The following PRH1 variants were observed in gnomAD, a reference collection of about 807,000 sequenced individuals.
The protein encoded by PRH1 is salivary acidic proline-rich phosphoprotein 1/2.
A neutral mutation model predicts 7.9 loss-of-function variants in PRH1; 7 were observed. That is an observed-to-expected ratio of 0.89 (90% confidence interval 0.50 to 1.67). The LOEUF (loss-of-function observed/expected upper bound fraction) is 1.67, where lower values mean the gene tolerates loss of function less well. Ranked by LOEUF, PRH1 falls within the 40% of genes most tolerant of loss-of-function variation. PRH1 has a pLI of 0.00. For missense variants in PRH1, 109 were observed against 223.6 expected (o/e 0.49, Z 3.27); for synonymous variants, 45 against 80.8 (o/e 0.56, Z 2.38).
intron 1 of PRH1, among the ~76,000 whole-genome samples, chr12:11,098,544 A>G (rs1210319710): frequency 5.3e-5 from 8 of 152,190 alleles, no homozygotes; most frequent in Admixed American, 1.3e-4. Flanking sequence ...CCTCTCCATC[A>G]TTTGTGTTTA....
chr12:11,134,539 C>T, intron 1 of PRH1: 1 of 340,760 alleles, frequency 2.9e-6, no homozygotes, highest in Non-Finnish European at 5.3e-6. Context: ...CTGAAATTGA[C>T]ATGAAACCTG....
At chr12:11,069,795 C>T (rs1179382193) in intron 1 of PRH1, among the ~76,000 whole-genome samples, 2 of 152,144 alleles carry the variant, frequency 1.3e-5, no homozygotes, top group Admixed American at 1.3e-4. Flanking sequence ...AATCAAGAAA[C>T]CTCAACCAGT....
intron 1 of PRH1, among the ~76,000 whole-genome samples, chr12:11,030,121 A>G (rs1217055318): frequency 6.6e-6 from 1 of 152,274 alleles, no homozygotes; most frequent in Admixed American, 6.5e-5. Flanking sequence ...TGGCTTCAAA[A>G]TTCTAAGAAA....
chr12:11,134,076 C>T, intron 1 of PRH1: 2 of 1,614,090 alleles, frequency 1.2e-6, no homozygotes, highest in Non-Finnish European at 1.7e-6. Context: ...CAGAGCAAAC[C>T]AACTCTGGAG....
intron 1 of PRH1, among the ~76,000 whole-genome samples, chr12:11,013,103 CA>C (rs1941140135): frequency 6.6e-6 from 1 of 152,052 alleles, no homozygotes; most frequent in African/African-American, 2.4e-5. Context: ...AGTGAAAAAC[CA>C]GTCCTAAAAT....
upstream of PRH1, among the ~76,000 whole-genome samples, chr12:10,886,954 C>T (rs1335155651): frequency 2.6e-5 from 4 of 152,166 alleles, no homozygotes; most frequent in Admixed American, 2.0e-4. Flanking sequence ...TGTTCTTCCC[C>T]CAGCTCATCC....
chr12:11,130,042 C>T (rs796338107), intron 1 of PRH1, among the ~76,000 whole-genome samples: 3 of 151,910 alleles, frequency 2.0e-5, no homozygotes, highest in African/African-American at 7.2e-5. Flanking sequence ...TCCCAGCTGC[C>T]AGCAATGCCG....
chr12:11,167,085 C>T lies in PRH1; in HGVS notation n.39+4337G>A, dbSNP rs573037591. On this transcript the variant is annotated intron_variant and non_coding_transcript_variant, in intron 1 of 1. Coordinates refer to the PRH1 transcript ENST00000541175. ...TAATCACATTTGCAAAATCTCCATG[C>T]CATATAATGTAACATATTAACTAGT... Among the ~76,000 whole-genome samples the T allele has an allele frequency of 2.0e-5, 3 of 152,296 alleles. No homozygotes were observed. The South Asian group carries it at 6.2e-4, about 32-fold the overall frequency.
intron 1 of PRH1, among the ~76,000 whole-genome samples, chr12:11,145,772 G>T (rs1190834442): frequency 1.3e-5 from 2 of 150,718 alleles, no homozygotes; most frequent in South Asian, 4.2e-4. Flanking sequence ...CTTTTTTTTT[G>T]TAACAACTAT....
At chr12:11,009,119 C>A (rs1260894904) in intron 1 of PRH1, among the ~76,000 whole-genome samples, 1 of 151,514 alleles carries the variant, frequency 6.6e-6, no homozygotes, top group Non-Finnish European at 1.5e-5. Flanking sequence ...TTCTTGCATG[C>A]TCAATTTTGT....
Position 11,091,542 on chromosome 12 carries a change from T to C in PRH1, n.124-44354A>G, listed in dbSNP as rs190029848. ...CATAACAAGAGGAAGGAGATCACAG[T>C]TTGCAAAGCTTTTATGTGGACCTTG... On this transcript the variant is annotated intron_variant and non_coding_transcript_variant, in intron 1 of 4. Transcript: ENST00000541977. 378 of 1,452,246 alleles carry C rather than the reference T, an allele frequency of 2.6e-4. 31 individuals carry two copies. In the African/African-American group the frequency reaches 4.4e-3, roughly 17 times the overall value. The allele number at this position is 1,452,246 out of a possible 1,614,324, so 90.0% of individuals were successfully genotyped here.
rs941765880 is a variant in PRH1, at chr12:11,077,937, G to A, written n.124-30749C>T. On this transcript the variant is annotated intron_variant and non_coding_transcript_variant, in intron 1 of 4. Coordinates refer to the PRH1 transcript ENST00000541977. ...CAATCTTGAGCAAATAAAATATGCT[G>A]AGGCTAGCAGCAAGCCAGATGCTGA... The A allele has an allele frequency of 1.6e-5, 15 of 943,654 alleles. 1 individual carries two copies. Among genetic ancestry groups the A allele is most frequent in the Non-Finnish European group, 2.4e-5 (14 of 588,164 alleles). The allele number at this position is 943,654 out of a possible 1,614,324, so 58.5% of individuals were successfully genotyped here. A position where few individuals can be genotyped will look rare whatever the true frequency, so the allele number is the denominator to read the frequency against.
intron 1 of PRH1, among the ~76,000 whole-genome samples, chr12:11,007,718 T>C (rs1413987395): frequency 6.6e-6 from 1 of 152,016 alleles, no homozygotes; most frequent in Non-Finnish European, 1.5e-5. Flanking sequence ...TTGGAGTTTC[T>C]TGCTCTTCTC....
chr12:10,981,314 C>A (rs907781905), intron 1 of PRH1, among the ~76,000 whole-genome samples: 1 of 151,902 alleles, frequency 6.6e-6, no homozygotes, highest in Non-Finnish European at 1.5e-5. Context: ...ATCTGGGTAC[C>A]CCAAAAGACA....
chr12:10,989,852 C>A (rs1451291104), intron 1 of PRH1, among the ~76,000 whole-genome samples: 6 of 152,158 alleles, frequency 3.9e-5, no homozygotes, highest in Non-Finnish European at 8.8e-5. Context: ...ATAAGATTGT[C>A]ATTTAGACAG....
At chr12:11,101,698 A>G (rs1342405244) in intron 1 of PRH1, among the ~76,000 whole-genome samples, 1 of 152,164 alleles carries the variant, frequency 6.6e-6, no homozygotes, top group Non-Finnish European at 1.5e-5. Flanking sequence ...GAGTAATAAC[A>G]ACTAATAAAC....
chr12:11,041,298 A>AC (rs1407534833), intron 1 of PRH1, among the ~76,000 whole-genome samples: 25 of 146,220 alleles, frequency 1.7e-4, no homozygotes, highest in African/African-American at 6.3e-4. Flanking sequence ...CAAAAAAAAA[A>AC]AAAAAAAAAA....
At chr12:11,091,492 C>T (rs199768488) in intron 1 of PRH1, 206,982 of 911,158 alleles carry the variant, frequency 0.23, 62,292 homozygotes, top group Admixed American at 0.32. Flanking sequence ...AAACTGATAT[C>T]ATTATGGACA....
intron 2 of PRH1, chr12:10,938,799 T>A: frequency 6.2e-7 from 1 of 1,613,344 alleles, no homozygotes; most frequent in Non-Finnish European, 8.5e-7. Context: ...AAGACCGAAG[T>A]CACAAGAAGC....
Sources: allele counts gnomAD v4.1 joint callset (sites outside exome capture counted in the v4.1 genomes callset), GRCh38; gene constraint gnomAD v4.1.1; transcripts MANE v1.5; gene names NCBI Gene and HGNC (gene_info 2026-07-23, HGNC 2026-07-21).